Variants in TENM4 observed in about 807,000 individuals in gnomAD.
TENM4 encodes teneurin transmembrane protein 4.
A neutral mutation model predicts 243.3 loss-of-function variants in TENM4; 82 were observed. The observed-to-expected ratio is 0.34, with a 90% CI of 0.28 to 0.40. The LOEUF (loss-of-function observed/expected upper bound fraction) is 0.40. Ranked by LOEUF, TENM4 falls within the 10% of genes least tolerant of loss-of-function variation. The pLI, the probability that TENM4 is intolerant of heterozygous loss-of-function variation, is 1.00. For missense variants in TENM4, 3,138 were observed against 3,673.3 expected (o/e 0.85, Z 3.77); for synonymous variants, 1,412 against 1,456.3 (o/e 0.97, Z 0.69).
chr11:79,374,292 G>T (rs572236991), intron 1 of TENM4, among the ~76,000 whole-genome samples: 1 of 152,112 alleles, frequency 6.6e-6, no homozygotes, highest in Non-Finnish European at 1.5e-5. Context: ...TGAGGTGGGT[G>T]TGGGGAGGAC....
chr11:78,703,137 C>T (rs1241908911), intron 27 of TENM4, among the ~76,000 whole-genome samples: 1 of 152,066 alleles, frequency 6.6e-6, no homozygotes, highest in East Asian at 1.9e-4. Context: ...GAAATCAGAT[C>T]CCTGGGCTTG....
intron 1 of TENM4, among the ~76,000 whole-genome samples, chr11:79,321,967 G>A (rs1161846252): frequency 2.0e-5 from 3 of 152,150 alleles, no homozygotes; most frequent in African/African-American, 7.2e-5. Context: ...GGCCAAAATG[G>A]GATTACATAG....
At chr11:78,826,476 T>A (rs2136135153) in intron 12 of TENM4, among the ~76,000 whole-genome samples, 1 of 152,262 alleles carries the variant, frequency 6.6e-6, no homozygotes. Flanking sequence ...TAAAAACCTC[T>A]ATGTTGGCTT....
At chr11:79,021,244 C>A (rs968858666) in intron 6 of TENM4, among the ~76,000 whole-genome samples, 1 of 152,160 alleles carries the variant, frequency 6.6e-6, no homozygotes, top group African/African-American at 2.4e-5. Context: ...AAAGCAGGAG[C>A]CATTTACCAT....
intron 12 of TENM4, among the ~76,000 whole-genome samples, chr11:78,829,969 C>T (rs1591055163): frequency 6.6e-6 from 1 of 152,288 alleles, no homozygotes; most frequent in East Asian, 1.9e-4. Context: ...ACACCATCTC[C>T]ACACAGTACT....
At chr11:79,110,036 C>T (rs1434641499) in intron 4 of TENM4, among the ~76,000 whole-genome samples, 1 of 152,238 alleles carries the variant, frequency 6.6e-6, no homozygotes, top group Non-Finnish European at 1.5e-5. Flanking sequence ...CCTGCTGGCA[C>T]ATTCCTACTT....
chr11:79,330,579 C>T (rs920729811), intron 1 of TENM4, among the ~76,000 whole-genome samples: 1 of 152,160 alleles, frequency 6.6e-6, no homozygotes, highest in African/African-American at 2.4e-5. Flanking sequence ...ATCTGTAAAA[C>T]GGAATGGCCA....
Position 78,825,630 on chromosome 11 carries a change from G to C in TENM4, c.1682-11235C>G, listed in dbSNP as rs1565395325. Among the ~76,000 whole-genome samples the C allele has an allele frequency of 2.0e-5, 3 of 152,222 alleles. No homozygotes were observed. In the East Asian group the frequency reaches 5.8e-4, roughly 29 times the overall value. ...ACCCAAGAATGCAAAAGAGCTTGTG[G>C]ACCAGTTCCAAAGAGGAGGGCTTGG... On this transcript the variant is annotated intron_variant, in intron 12 of 33. Coordinates refer to ENST00000278550, the MANE Select transcript of TENM4 (RefSeq NM_001098816.3).
intron 4 of TENM4, among the ~76,000 whole-genome samples, chr11:79,087,975 G>C (rs1860851493): frequency 6.6e-6 from 1 of 152,234 alleles, no homozygotes; most frequent in African/African-American, 2.4e-5. Context: ...CTTTCCGTGG[G>C]GAAGCTCTGG....
chr11:79,314,919 A>G (rs1856779878), intron 1 of TENM4, among the ~76,000 whole-genome samples: 1 of 152,230 alleles, frequency 6.6e-6, no homozygotes, highest in Admixed American at 6.5e-5. Context: ...GAAACTTCTC[A>G]GGTGATTCTA....
At chr11:79,028,117 C>T (rs1859128020) in intron 6 of TENM4, among the ~76,000 whole-genome samples, 1 of 152,184 alleles carries the variant, frequency 6.6e-6, no homozygotes. Flanking sequence ...GCTTAAGTTT[C>T]CTGTACCTCA....
intron 7 of TENM4, 102 bp downstream of exon 7, chr11:78,903,166 G>A (rs969230700): frequency 1.8e-4 from 252 of 1,388,316 alleles, no homozygotes; most frequent in Non-Finnish European, 2.0e-4. Flanking sequence ...TCCTCCGGCC[G>A]GCGTTATCTG....
At chr11:79,274,592 C>T (rs1031278755) in intron 2 of TENM4, among the ~76,000 whole-genome samples, 1 of 152,136 alleles carries the variant, frequency 6.6e-6, no homozygotes, top group African/African-American at 2.4e-5. Flanking sequence ...GCTCACCAGG[C>T]CACCCCTCCT....
At chr11:79,393,061 C>G (rs1053166740) in intron 1 of TENM4, among the ~76,000 whole-genome samples, 12 of 152,294 alleles carry the variant, frequency 7.9e-5, no homozygotes, top group Middle Eastern at 3.4e-3. Context: ...CGTGCCTCTT[C>G]TGCACCCTCC....
intron 6 of TENM4, among the ~76,000 whole-genome samples, chr11:79,058,281 C>T (rs1043847309): frequency 1.2e-4 from 18 of 152,174 alleles, no homozygotes; most frequent in South Asian, 4.1e-4. Flanking sequence ...CGGTGGCTCA[C>T]GCCTGTAATC....
intron 6 of TENM4, among the ~76,000 whole-genome samples, chr11:78,993,103 T>C (rs17137560): frequency 0.012 from 1,775 of 152,260 alleles, 37 homozygotes; most frequent in African/African-American, 0.04. Context: ...TGTTGTGATA[T>C]GCCGTGATAG....
chr11:79,031,487 A>G (rs564049489), intron 6 of TENM4, among the ~76,000 whole-genome samples: 2 of 152,318 alleles, frequency 1.3e-5, no homozygotes, highest in East Asian at 3.9e-4. Flanking sequence ...CTTCAACCTC[A>G]GGATCAGAGA....
chr11:78,662,874 G>A (rs1461469115), intron 32 of TENM4, among the ~76,000 whole-genome samples: 2 of 152,094 alleles, frequency 1.3e-5, no homozygotes, highest in Non-Finnish European at 2.9e-5. Flanking sequence ...CATGCAGAAG[G>A]TGGCATTTAA....
intron 4 of TENM4, among the ~76,000 whole-genome samples, chr11:79,130,016 C>T (rs1342240585): frequency 6.6e-6 from 1 of 152,202 alleles, no homozygotes; most frequent in Non-Finnish European, 1.5e-5. Flanking sequence ...GGAACAGGCA[C>T]TGGTATACAC....
Sources: gnomAD v4.1 joint callset for allele counts (sites outside exome capture counted in the v4.1 genomes callset) on GRCh38, gnomAD v4.1.1 for gene constraint, MANE v1.5 for transcripts, NCBI Gene and HGNC (gene_info 2026-07-23, HGNC 2026-07-21) for gene names.